Variants in RYR3 observed in about 807,000 individuals in gnomAD.
RYR3 encodes ryanodine receptor 3, also known as brain ryanodine receptor-calcium release channel.
In RYR3, 207 loss-of-function variants were observed where a neutral mutation model predicts 584.3. The observed-to-expected ratio is 0.35, with a 90% CI of 0.32 to 0.40. The LOEUF (loss-of-function observed/expected upper bound fraction) is 0.40. Ranked by LOEUF, RYR3 falls within the 10% of genes least tolerant of loss-of-function variation. The pLI, the probability that RYR3 is intolerant of heterozygous loss-of-function variation, is 1.00. For synonymous variants in RYR3, 2,416 were observed against 2,248.5 expected, an observed-to-expected ratio of 1.07 and a Z score of -2.11; for missense variants, 5,616 against 6,089.2, an observed-to-expected ratio of 0.92 and a Z score of 2.59.
chr15:33,756,542 AGGGAT>A (rs1324685709), intron 59 of RYR3, among the ~76,000 whole-genome samples, 169 bp downstream of exon 59: 2 of 151,884 alleles, frequency 1.3e-5, no homozygotes, highest in African/African-American at 4.8e-5. Flanking sequence ...CAGTCCAAGG[AGGGAT>A]GCAGTCTGCC....
At chr15:33,343,926 A>G (rs1045787432) in intron 1 of RYR3, among the ~76,000 whole-genome samples, 12 of 152,162 alleles carry the variant, frequency 7.9e-5, no homozygotes, top group African/African-American at 2.9e-4. Flanking sequence ...TGGAGTAGTG[A>G]TTAGTGGAAT....
intron 69 of RYR3, among the ~76,000 whole-genome samples, chr15:33,806,038 C>T (rs1466826781): frequency 6.6e-6 from 1 of 152,028 alleles, no homozygotes; most frequent in Non-Finnish European, 1.5e-5. Flanking sequence ...CATTCTCAGA[C>T]CGACTTACAG....
At chr15:33,565,570 A>C (rs1435119) in intron 11 of RYR3, among the ~76,000 whole-genome samples, 139 of 152,268 alleles carry the variant, frequency 9.1e-4, no homozygotes, top group Non-Finnish European at 1.7e-3. Context: ...TCTTTATTCT[A>C]TAGATATTTT....
intron 32 of RYR3, among the ~76,000 whole-genome samples, chr15:33,658,289 G>C (rs1244622102): frequency 6.6e-6 from 1 of 152,150 alleles, no homozygotes; most frequent in Non-Finnish European, 1.5e-5. Context: ...TTTCATGCTG[G>C]CTGCAGCCAG....
At chr15:33,862,295 C>G (rs1388330209) in intron 102 of RYR3, among the ~76,000 whole-genome samples, 5 of 152,176 alleles carry the variant, frequency 3.3e-5, no homozygotes, top group Admixed American at 1.3e-4. Flanking sequence ...TCACTGCAAC[C>G]TCCACCTCCC....
intron 1 of RYR3, among the ~76,000 whole-genome samples, chr15:33,330,284 T>A (rs1422111662): frequency 1.3e-5 from 2 of 152,234 alleles, no homozygotes; most frequent in African/African-American, 2.4e-5. Context: ...TCATGTCTTC[T>A]GTTTATTCCC....
chr15:33,378,506 A>G (rs2040918298), intron 1 of RYR3, among the ~76,000 whole-genome samples: 1 of 152,224 alleles, frequency 6.6e-6, no homozygotes, highest in South Asian at 2.1e-4. Flanking sequence ...GTGGTTGGTA[A>G]TAAGCTGTTT....
chr15:33,808,719 A>C (rs934910468), intron 70 of RYR3, among the ~76,000 whole-genome samples: 20 of 152,206 alleles, frequency 1.3e-4, no homozygotes, highest in Admixed American at 1.1e-3. Flanking sequence ...GCACTCAGCC[A>C]GTGATAGTTG....
At chr15:33,599,538 A>G (rs2059560780) in intron 16 of RYR3, among the ~76,000 whole-genome samples, 1 of 152,194 alleles carries the variant, frequency 6.6e-6, no homozygotes, top group Non-Finnish European at 1.5e-5. Context: ...CAGATAGGTG[A>G]TATACAAATG....
chr15:33,456,870 G>T (rs1049932363), intron 1 of RYR3, among the ~76,000 whole-genome samples: 2 of 152,158 alleles, frequency 1.3e-5, no homozygotes, highest in Non-Finnish European at 2.9e-5. Context: ...TTATATAAAA[G>T]ATGTGAATAT....
At chr15:33,822,887 C>T (rs8032198) in intron 80 of RYR3, 109 bp from the exon 81 acceptor site, 532,319 of 753,526 alleles carry the variant, frequency 0.71, 189,751 homozygotes, top group South Asian at 0.84. Flanking sequence ...ATTCCATAAG[C>T]AGAGCGTCCA....
chr15:33,595,067 GATTA>G (rs2059304579), intron 16 of RYR3, among the ~76,000 whole-genome samples: 1 of 150,408 alleles, frequency 6.6e-6, no homozygotes, highest in African/African-American at 2.4e-5. Context: ...TGTCTTAAAA[GATTA>G]GATTAGAAAA....
intron 40 of RYR3, among the ~76,000 whole-genome samples, chr15:33,699,259 CCT>C (rs2066097763): frequency 4.5e-5 from 5 of 109,984 alleles, no homozygotes; most frequent in Non-Finnish European, 7.1e-5. Flanking sequence ...TCTCTCCCCC[CCT>C]TTCTCTCTCT....
chr15:33,739,834 A>C lies in RYR3; in HGVS notation c.7659A>C (p.Lys2553Asn). ...WGIFDSLSHK[K>N]YDPDLFRMAL... The stretch of plus-strand genomic sequence containing the variant: ...GTGGCCTTGTTTTTCCCTCACAGAA[A>C]TATGACCCAGATCTTTTCCGAATGG... Residue 2553 changes from lysine (K) to asparagine (N), a missense_variant and splice_region_variant, in exon 51 of 104, where the codon AAA becomes AAC. This residue lies in a region of RYR3 where 1,280 missense variants were observed against 1,426.2 expected (regional missense o/e 0.90). Transcript: ENST00000634891. 1 of 1,612,672 alleles carries C rather than the reference A, an allele frequency of 6.2e-7. No individual in the cohort carries two copies. The highest frequency in any genetic ancestry group is 8.5e-7 in the Non-Finnish European group (1 of 1,179,068).
chr15:33,486,382 C>T (rs985023001), intron 2 of RYR3, among the ~76,000 whole-genome samples: 3 of 152,090 alleles, frequency 2.0e-5, no homozygotes, highest in East Asian at 1.9e-4. Context: ...TCCATCTTTA[C>T]GTGGCTTTTT....
intron 1 of RYR3, among the ~76,000 whole-genome samples, chr15:33,422,513 A>G (rs1436647473): frequency 6.6e-6 from 1 of 152,184 alleles, no homozygotes; most frequent in African/African-American, 2.4e-5. Context: ...AATCAAGGTA[A>G]TGGGCCATGG....
intron 1 of RYR3, among the ~76,000 whole-genome samples, chr15:33,437,791 G>A (rs568718194): frequency 1.2e-4 from 19 of 152,252 alleles, no homozygotes; most frequent in Non-Finnish European, 2.5e-4. Flanking sequence ...GGGGTGCAGT[G>A]GCACAGTCAT....
Position 33,341,219 on chromosome 15 carries a change from A to G in RYR3, c.51+30123A>G, listed in dbSNP as rs150697397. ...GCACCCAGCTAATTTTTGTATTTTTAGTAGAGACAGGGCTTCACCATGTTA... is the reference window on the plus strand; with the variant it reads ...GCACCCAGCTAATTTTTGTATTTTTGGTAGAGACAGGGCTTCACCATGTTA... On this transcript the variant is annotated intron_variant, in intron 1 of 103. Transcript: ENST00000634891. Among the ~76,000 whole-genome samples, 24 of 152,170 alleles carry G rather than the reference A, an allele frequency of 1.6e-4. 2 individuals are homozygous for G. The highest frequency in any genetic ancestry group is 6.8e-3 in the Middle Eastern group (2 of 294).
intron 1 of RYR3, among the ~76,000 whole-genome samples, chr15:33,364,312 T>TGA (rs1975176985): frequency 6.6e-6 from 1 of 152,200 alleles, no homozygotes; most frequent in Non-Finnish European, 1.5e-5. Context: ...ACAAACCTGT[T>TGA]CACTCTCCTT....
Sources: allele counts gnomAD v4.1 joint callset (sites outside exome capture counted in the v4.1 genomes callset), GRCh38; gene constraint gnomAD v4.1.1; regional missense constraint gnomAD v4.1.1; transcripts MANE v1.5; gene names NCBI Gene and HGNC (gene_info 2026-07-23, HGNC 2026-07-21).